The following RBP2 variants were observed in gnomAD, a reference collection of about 807,000 sequenced individuals.
RBP2 encodes retinol-binding protein 2.
A neutral mutation model predicts 17.0 loss-of-function variants in RBP2; 17 were observed. The observed-to-expected ratio is 1.00, with a 90% confidence interval of 0.68 to 1.50. The LOEUF (loss-of-function observed/expected upper bound fraction) is 1.50, where lower values mean the gene tolerates loss of function less well. RBP2 is among the 40% of genes most tolerant of loss of function. The pLI is 0.00. For missense variants in RBP2, 158 were observed against 168.2 expected, an observed-to-expected ratio of 0.94 and a Z score of 0.33; for synonymous variants, 48 against 57.1, an observed-to-expected ratio of 0.84 and a Z score of 0.72.
intron 2 of RBP2, among the ~76,000 whole-genome samples, chr3:139,455,814 C>A (rs768471856): frequency 2.0e-5 from 3 of 152,182 alleles, no homozygotes; most frequent in Non-Finnish European, 4.4e-5. Context: ...AGCACAGGGG[C>A]AGCAGCAGAA....
intron 1 of RBP2, chr3:139,466,322 C>T (rs1933362448): frequency 6.6e-6 from 1 of 152,174 alleles, no homozygotes; most frequent in South Asian, 2.1e-4. Context: ...TGTATCTCAG[C>T]CACCTTGGCC....
At chr3:139,473,116 T>A (rs2107884415) in intron 1 of RBP2, among the ~76,000 whole-genome samples, 1 of 152,308 alleles carries the variant, frequency 6.6e-6, no homozygotes, top group Non-Finnish European at 1.5e-5. Flanking sequence ...GACAAGTTCC[T>A]CAGGGCAAAA....
chr3:139,464,985 C>A (rs970488792), intron 1 of RBP2, among the ~76,000 whole-genome samples: 6 of 152,128 alleles, frequency 3.9e-5, no homozygotes, highest in Non-Finnish European at 7.4e-5. Context: ...ATTTTGAAAG[C>A]TACTTACTGT....
intron 1 of RBP2, among the ~76,000 whole-genome samples, chr3:139,475,324 T>TAAAAA (rs397941333): frequency 1.2e-3 from 87 of 71,534 alleles, no homozygotes; most frequent in African/African-American, 1.5e-3. Flanking sequence ...GTCCCCAAAA[T>TAAAAA]AAAAAAAAAA....
intron 2 of RBP2, among the ~76,000 whole-genome samples, chr3:139,459,989 G>A (rs1385641492): frequency 6.6e-6 from 1 of 152,132 alleles, no homozygotes; most frequent in Non-Finnish European, 1.5e-5. Flanking sequence ...AAGAAAGGTA[G>A]GAGTGTGTTA....
At chr3:139,469,420 A>C (rs1055328842) in intron 1 of RBP2, among the ~76,000 whole-genome samples, 4 of 152,064 alleles carry the variant, frequency 2.6e-5, no homozygotes, top group Non-Finnish European at 5.9e-5. Context: ...CTGCATGCTT[A>C]CTGGGATGGA....
Position 139,459,400 on chromosome 3 carries a change from A to ATGTGTGTGTGTGTGTGTG in RBP2, c.252+2694_252+2711dup, listed in dbSNP as rs57107462. ...GTGAAACCCTGTTTCTACTATATAT[A>ATGTGTGTGTGTGTGTGTG]TGTGTGTGTGTGTGTGTGTGTGTGT... is the stretch of plus-strand genomic sequence containing the variant. On this transcript the variant is annotated intron_variant, in intron 2 of 3. Coordinates refer to ENST00000232217, the MANE Select transcript of RBP2 (RefSeq NM_004164.3). 7.5e-3 allele frequency among the ~76,000 whole-genome samples: 967 copies of ATGTGTGTGTGTGTGTGTG among 128,522 alleles called. 8 individuals carry two copies. The highest frequency in any genetic ancestry group is 0.016 in the African/African-American group (555 of 34,030). The allele number at this position is 128,522 out of a possible 152,430, so 84.3% of individuals were successfully genotyped here.
intron 2 of RBP2, among the ~76,000 whole-genome samples, chr3:139,457,260 A>G (rs778913080): frequency 7.2e-5 from 11 of 152,240 alleles, no homozygotes; most frequent in Non-Finnish European, 1.3e-4. Flanking sequence ...CTTAGTTTCT[A>G]TGGTCCTACC....
At chr3:139,462,599 G>A (rs1195880203) in intron 1 of RBP2, among the ~76,000 whole-genome samples, 4 of 61,440 alleles carry the variant, frequency 6.5e-5, no homozygotes, top group Non-Finnish European at 1.1e-4. Flanking sequence ...ACACACACAC[G>A]TCACAGCAGC....
intron 1 of RBP2, among the ~76,000 whole-genome samples, chr3:139,466,947 CT>C (rs1482054029): frequency 1.3e-5 from 2 of 152,186 alleles, no homozygotes; most frequent in East Asian, 3.9e-4. Flanking sequence ...CCTTCCTTAC[CT>C]GCTATCCAGG....
chr3:139,471,416 C>G (rs1933565638), intron 1 of RBP2, among the ~76,000 whole-genome samples: 2 of 152,208 alleles, frequency 1.3e-5, no homozygotes, highest in African/African-American at 4.8e-5. Context: ...ACTTCAGCCT[C>G]TCAGGGCTCT....
intron 1 of RBP2, among the ~76,000 whole-genome samples, chr3:139,470,704 G>T (rs1933535336): frequency 6.6e-6 from 1 of 151,744 alleles, no homozygotes; most frequent in Non-Finnish European, 1.5e-5. Flanking sequence ...TCAGCCTCCT[G>T]AGTAGCTGGG....
At chr3:139,464,184 G>A (rs1215207218) in intron 1 of RBP2, among the ~76,000 whole-genome samples, 1 of 152,094 alleles carries the variant, frequency 6.6e-6, no homozygotes, top group African/African-American at 2.4e-5. Context: ...TTGGGTCTGG[G>A]CCTGGTGGCT....
At chr3:139,453,207 C>G (rs368873646) in intron 3 of RBP2, 41 bp from the exon 4 acceptor site, 5 of 1,611,616 alleles carry the variant, frequency 3.1e-6, no homozygotes, top group South Asian at 1.1e-5. Context: ...ACAAGCCAGG[C>G]CTTTCTTCTG....
At chr3:139,460,419 C>G (rs969203202) in intron 2 of RBP2, among the ~76,000 whole-genome samples, 4 of 152,286 alleles carry the variant, frequency 2.6e-5, no homozygotes, top group Admixed American at 2.6e-4. Flanking sequence ...GCAAAGAACA[C>G]TAAATATAAT....
chr3:139,460,883 A>G (rs1576422264), intron 2 of RBP2, among the ~76,000 whole-genome samples: 1 of 152,202 alleles, frequency 6.6e-6, no homozygotes, highest in East Asian at 1.9e-4. Context: ...GATGCTTTGA[A>G]TATTCATACT....
intron 2 of RBP2, among the ~76,000 whole-genome samples, chr3:139,458,115 ACT>A (rs1335890293): frequency 2.0e-5 from 3 of 152,158 alleles, no homozygotes; most frequent in African/African-American, 7.2e-5. Flanking sequence ...AAATGTGGTA[ACT>A]CTTGGTAAAG....
chr3:139,457,960 T>G (rs1933035194), intron 2 of RBP2, among the ~76,000 whole-genome samples: 1 of 152,202 alleles, frequency 6.6e-6, no homozygotes. Context: ...TAGAAGCTGA[T>G]AACCATATTG....
intron 1 of RBP2, among the ~76,000 whole-genome samples, chr3:139,468,560 C>T (rs556908692): frequency 5.3e-5 from 8 of 152,284 alleles, no homozygotes; most frequent in Admixed American, 2.6e-4. Context: ...ATCATGTTGC[C>T]TCTGCTCTGC....
Sources: allele counts gnomAD v4.1 joint callset (sites outside exome capture counted in the v4.1 genomes callset), GRCh38; gene constraint gnomAD v4.1.1; transcripts MANE v1.5; gene names NCBI Gene and HGNC (gene_info 2026-07-23, HGNC 2026-07-21).